ZNF407: variants seen among roughly 807,000 people sequenced by gnomAD.
ZNF407 encodes the protein zinc finger protein 407.
In ZNF407, 17 loss-of-function variants were observed where a neutral mutation model predicts 131.2. The observed-to-expected ratio is 0.13, with a 90% CI of 0.09 to 0.19. The LOEUF (loss-of-function observed/expected upper bound fraction) is 0.19. ZNF407 is among the 10% of genes least tolerant of loss of function. ZNF407 has a pLI of 1.00. For synonymous variants in ZNF407, 1,156 were observed against 1,062.0 expected, an observed-to-expected ratio of 1.09 and a Z score of -1.72; for missense variants, 2,681 against 2,830.6, an observed-to-expected ratio of 0.95 and a Z score of 1.20.
intron 4 of ZNF407, among the ~76,000 whole-genome samples, chr18:74,814,278 C>T (rs140315339): frequency 1.8e-3 from 276 of 152,178 alleles, no homozygotes; most frequent in African/African-American, 6.3e-3. Flanking sequence ...GGACTACAGG[C>T]GTGCACCACC....
intron 8 of ZNF407, among the ~76,000 whole-genome samples, chr18:75,022,630 C>A (rs1396500819): frequency 6.6e-6 from 1 of 152,064 alleles, no homozygotes; most frequent in Non-Finnish European, 1.5e-5. Context: ...TCATACCAGT[C>A]AGAATGGCGA....
chr18:74,734,593 A>T (rs1002206175), intron 3 of ZNF407, among the ~76,000 whole-genome samples: 1 of 152,090 alleles, frequency 6.6e-6, no homozygotes, highest in African/African-American at 2.4e-5. Flanking sequence ...GTACCAGGAA[A>T]TAACTGACTG....
At chr18:74,793,059 G>A (rs566167) in intron 4 of ZNF407, among the ~76,000 whole-genome samples, 149,446 of 152,342 alleles carry the variant, frequency 0.98, 73,391 homozygotes, top group Middle Eastern at 1. Context: ...AGTATTTTGA[G>A]TTGGGCGTGT....
chr18:74,723,248 C>T (rs1386694824), intron 3 of ZNF407, among the ~76,000 whole-genome samples: 1 of 152,124 alleles, frequency 6.6e-6, no homozygotes, highest in Non-Finnish European at 1.5e-5. Flanking sequence ...ATAATAGTGG[C>T]TCTGAAGTCC....
At chr18:74,854,714 C>A (rs557914663) in intron 4 of ZNF407, among the ~76,000 whole-genome samples, 10 of 152,136 alleles carry the variant, frequency 6.6e-5, no homozygotes, top group African/African-American at 2.4e-4. Flanking sequence ...CAATGCACTA[C>A]ACAGACACAC....
intron 8 of ZNF407, chr18:74,921,201 G>C (rs1971842301): frequency 4.7e-6 from 1 of 214,894 alleles, no homozygotes; most frequent in African/African-American, 2.3e-5. Context: ...GCTGGCCCTA[G>C]GTTGGGGAAG....
At chr18:74,904,380 T>C (rs1463172093) in intron 7 of ZNF407, among the ~76,000 whole-genome samples, 1 of 152,198 alleles carries the variant, frequency 6.6e-6, no homozygotes, top group African/African-American at 2.4e-5. Context: ...TGTATTATTT[T>C]TTCTCTTTGG....
In ZNF407 at chr18:74,928,849, A is replaced by T. The variant is rs371071907; in HGVS notation, c.5428+8157A>T. Among the ~76,000 whole-genome samples, 14 of 152,214 alleles carry T rather than the reference A, an allele frequency of 9.2e-5. No individual in the cohort carries two copies. In the South Asian group the frequency reaches 2.1e-3, roughly 23 times the overall value. ...CCTTTGGCCGAGAAGGGGACCATTC[A>T]GTCAGCTGGGGTGGGGGAGCTTAGA... On this transcript the variant is annotated intron_variant, in intron 8 of 8. Transcript: ENST00000299687.
intron 7 of ZNF407, among the ~76,000 whole-genome samples, chr18:74,918,326 C>T (rs1039359439): frequency 6.6e-6 from 1 of 152,192 alleles, no homozygotes; most frequent in Non-Finnish European, 1.5e-5. Flanking sequence ...GCCTTAACCA[C>T]TCACCAGCCA....
intron 6 of ZNF407, among the ~76,000 whole-genome samples, chr18:74,888,954 T>C (rs1300887245): frequency 6.6e-6 from 1 of 152,202 alleles, no homozygotes; most frequent in Non-Finnish European, 1.5e-5. Context: ...ACATAACTTG[T>C]TGGTCAACAA....
intron 1 of ZNF407, among the ~76,000 whole-genome samples, chr18:74,622,957 T>C (rs1363416399): frequency 2.0e-5 from 3 of 152,088 alleles, no homozygotes; most frequent in African/African-American, 7.2e-5. Context: ...TGTGTGTCAG[T>C]GTATCTGAGT....
chr18:74,617,053 A>T, intron 1 of ZNF407, among the ~76,000 whole-genome samples: 2 of 92,850 alleles, frequency 2.2e-5, no homozygotes, highest in African/African-American at 4.5e-5. Flanking sequence ...ACACATCCAT[A>T]TCCACACACA....
intron 8 of ZNF407, among the ~76,000 whole-genome samples, chr18:75,051,321 G>A (rs1355636514): frequency 6.6e-6 from 1 of 152,196 alleles, no homozygotes; most frequent in African/African-American, 2.4e-5. Context: ...TGGTAAATGT[G>A]ACAAACTACA....
At chr18:74,645,411 G>A (rs1984925692) in intron 3 of ZNF407, among the ~76,000 whole-genome samples, 1 of 152,052 alleles carries the variant, frequency 6.6e-6, no homozygotes, top group Non-Finnish European at 1.5e-5. Context: ...ATTGTTTACT[G>A]ATTGATTTAC....
rs571129264 is a variant in ZNF407 at position 74,919,615 on chromosome 18, A to C, written c.5250-899A>C. Among the ~76,000 whole-genome samples, 26 of 152,322 alleles carry C rather than the reference A, an allele frequency of 1.7e-4. 1 individual carries two copies. In the South Asian group the frequency reaches 5.2e-3, roughly 30 times the overall value. ...CAGCATGGTTTGTTTGTTTCTTTCT[A>C]GATAACCCCTCAACACCTACTTGAA... On this transcript the variant is annotated intron_variant, in intron 7 of 8. Transcript: ENST00000299687.
chr18:74,798,687 TGATAGGTTGAGTAGTAAG>T (rs1276121001), intron 4 of ZNF407, among the ~76,000 whole-genome samples: 1 of 152,162 alleles, frequency 6.6e-6, no homozygotes, highest in Non-Finnish European at 1.5e-5. Flanking sequence ...CAAACTTTAG[TGATAGGTTGAGTAGTAAG>T]GATATTATCT....
intron 3 of ZNF407, among the ~76,000 whole-genome samples, chr18:74,673,676 G>A (rs535618951): frequency 6.6e-5 from 10 of 152,208 alleles, no homozygotes; most frequent in Non-Finnish European, 1.0e-4. Flanking sequence ...TGGGATGATA[G>A]CTTGTCAGTA....
chr18:74,949,143 T>C (rs1445582935), intron 8 of ZNF407, among the ~76,000 whole-genome samples: 2 of 152,250 alleles, frequency 1.3e-5, no homozygotes, highest in Admixed American at 1.3e-4. Flanking sequence ...CTATTTATGA[T>C]ATTTTCAGTA....
chr18:74,736,518 A>G (rs564787655), intron 3 of ZNF407, among the ~76,000 whole-genome samples: 1 of 152,314 alleles, frequency 6.6e-6, no homozygotes, highest in East Asian at 1.9e-4. Context: ...TTTCACTTTA[A>G]AATAATGCAG....
Sources: allele counts gnomAD v4.1 joint callset (sites outside exome capture counted in the v4.1 genomes callset), GRCh38; gene constraint gnomAD v4.1.1; transcripts MANE v1.5; gene names NCBI Gene and HGNC (gene_info 2026-07-23, HGNC 2026-07-21).